Variants in BAIAP2L1 observed in about 807,000 individuals in gnomAD.
The protein encoded by BAIAP2L1 is BAR/IMD domain containing adaptor protein 2 like 1.
A neutral mutation model predicts 66.3 loss-of-function variants in BAIAP2L1; 35 were observed. That is an observed-to-expected ratio of 0.53 (90% CI 0.40 to 0.70). BAIAP2L1 has a LOEUF of 0.70. BAIAP2L1 is among the 30% of genes least tolerant of loss of function. BAIAP2L1 has a pLI of 0.00. For missense variants in BAIAP2L1, 622 were observed against 656.9 expected, an observed-to-expected ratio of 0.95 and a Z score of 0.58; for synonymous variants, 269 against 248.7, an observed-to-expected ratio of 1.08 and a Z score of -0.77.
intron 9 of BAIAP2L1, 101 bp downstream of exon 9, chr7:98,310,344 C>A: frequency 1.5e-6 from 2 of 1,358,526 alleles, no homozygotes; most frequent in Non-Finnish European, 2.0e-6. Flanking sequence ...GCTTGTTTAC[C>A]TCCAAACCTT....
intron 3 of BAIAP2L1, among the ~76,000 whole-genome samples, chr7:98,342,870 A>C (rs1373391140): frequency 1.3e-5 from 2 of 152,180 alleles, no homozygotes; most frequent in African/African-American, 4.8e-5. Context: ...ATTTAGGAAC[A>C]AAACTGGAAG....
At chr7:98,323,854 G>A (rs1022883802) in intron 3 of BAIAP2L1, among the ~76,000 whole-genome samples, 3 of 152,232 alleles carry the variant, frequency 2.0e-5, no homozygotes, top group Non-Finnish European at 4.4e-5. Context: ...GCAAGTAGCC[G>A]AAAGAGTATC....
chr7:98,353,413 T>TTATAAATATATTTATATTATA (rs1802044437), intron 3 of BAIAP2L1, among the ~76,000 whole-genome samples: 1 of 135,884 alleles, frequency 7.4e-6, no homozygotes, highest in African/African-American at 2.8e-5. Context: ...AATATATATA[T>TTATAAATATATTTATATTATA]TATAAATATA....
At chr7:98,314,657 G>C (rs1002189498) in intron 7 of BAIAP2L1, among the ~76,000 whole-genome samples, 2 of 152,138 alleles carry the variant, frequency 1.3e-5, no homozygotes, top group Non-Finnish European at 2.9e-5. Context: ...AGGAATGAAC[G>C]CATCACTGAG....
At chr7:98,308,027 T>C in intron 9 of BAIAP2L1, 131 bp from the exon 10 acceptor site, 1 of 880,826 alleles carries the variant, frequency 1.1e-6, no homozygotes, top group South Asian at 1.4e-5. Flanking sequence ...AAACTGACCC[T>C]GTCCTATTTC....
intron 2 of BAIAP2L1, among the ~76,000 whole-genome samples, chr7:98,355,663 A>C (rs1356073669): frequency 3.3e-5 from 5 of 151,936 alleles, no homozygotes; most frequent in African/African-American, 9.7e-5. Flanking sequence ...CAGGAGGCGG[A>C]GGTTGCAAGT....
rs759891159 is a variant in BAIAP2L1 at position 98,304,420 on chromosome 7, C to T, written c.1242-44G>A. On this transcript the variant is annotated intron_variant, in intron 11 of 13. Coordinates refer to ENST00000005260, the MANE Select transcript of BAIAP2L1 (RefSeq NM_018842.5). ...ACAGCACGTGTTAGATAATGTCTCA[C>T]CACCAAACCCCAAACATCCTCTGTG... 8.2e-6 allele frequency: 13 copies of T among 1,593,868 alleles called. No homozygotes were observed. In the South Asian group the frequency reaches 1.3e-4, roughly 17 times the overall value.
At chr7:98,390,737 A>G (rs1360748274) in intron 1 of BAIAP2L1, among the ~76,000 whole-genome samples, 1 of 151,804 alleles carries the variant, frequency 6.6e-6, no homozygotes, top group Non-Finnish European at 1.5e-5. Context: ...GTCTCAAAAA[A>G]AAACAAAAAA....
intron 3 of BAIAP2L1, among the ~76,000 whole-genome samples, chr7:98,341,531 T>G (rs1005842956): frequency 6.6e-6 from 1 of 152,088 alleles, no homozygotes; most frequent in Non-Finnish European, 1.5e-5. Context: ...AAAAAATTTT[T>G]TATTTTTTAA....
intron 1 of BAIAP2L1, among the ~76,000 whole-genome samples, chr7:98,367,792 T>C (rs1229465481): frequency 1.3e-5 from 2 of 151,752 alleles, no homozygotes; most frequent in Non-Finnish European, 2.9e-5. Context: ...CCAGCCCAAT[T>C]TTTGCATTTT....
chr7:98,304,513 G>C (rs1287214737), intron 11 of BAIAP2L1, 137 bp from the exon 12 acceptor site: 7 of 861,912 alleles, frequency 8.1e-6, no homozygotes, highest in South Asian at 1.6e-5. Context: ...CACACACACA[G>C]ACACACACAG....
chr7:98,397,474 G>A (rs570774845), intron 1 of BAIAP2L1, among the ~76,000 whole-genome samples: 15 of 151,836 alleles, frequency 9.9e-5, no homozygotes, highest in Middle Eastern at 6.8e-3. Flanking sequence ...ACAGGCACGC[G>A]CCACCACACC....
At chr7:98,339,073 TAAAA>T (rs34884828) in intron 3 of BAIAP2L1, among the ~76,000 whole-genome samples, 1 of 126,696 alleles carries the variant, frequency 7.9e-6, no homozygotes, top group African/African-American at 2.9e-5. Flanking sequence ...ACTCTGTCTT[TAAAA>T]AAAAAAAAAA....
chr7:98,375,160 T>A (rs1584495175), intron 1 of BAIAP2L1, among the ~76,000 whole-genome samples: 1 of 148,890 alleles, frequency 6.7e-6, no homozygotes. Context: ...TTTGGGAGGC[T>A]GAGGCAGGTG....
chr7:98,298,973 A>G (rs764535833), intron 12 of BAIAP2L1, among the ~76,000 whole-genome samples: 45 of 151,886 alleles, frequency 3.0e-4, no homozygotes, highest in Non-Finnish European at 4.1e-4. Context: ...TCCTGAGTAG[A>G]CTACAGGTAT....
rs1800031723 is a variant in BAIAP2L1 at position 98,292,947 on chromosome 7, G to A, written c.*574C>T. On this transcript the variant is annotated 3_prime_UTR_variant, in exon 14 of 14. Coordinates refer to ENST00000005260, the MANE Select transcript of BAIAP2L1 (RefSeq NM_018842.5). ...AGCGTCTTAGCACTCTACAGCTCTG[G>A]CGTGGTTGGAGGGAGGGTGGGGGTT... 1.6e-6 allele frequency: 2 copies of A among 1,251,552 alleles called. No individual in the cohort carries two copies. Among genetic ancestry groups the A allele is most frequent in the Non-Finnish European group, 2.0e-6 (2 of 996,960 alleles). The allele number at this position is 1,251,552 out of a possible 1,614,324, so 77.5% of individuals were successfully genotyped here. A position where few individuals can be genotyped will look rare whatever the true frequency, so the allele number is the denominator to read the frequency against.
chr7:98,399,544 AACCAACCG>A (rs1432582446), intron 1 of BAIAP2L1, among the ~76,000 whole-genome samples: 5 of 152,216 alleles, frequency 3.3e-5, no homozygotes, highest in Non-Finnish European at 5.9e-5. Flanking sequence ...CACACCAACC[AACCAACCG>A]ACCAACCATT....
intron 1 of BAIAP2L1, among the ~76,000 whole-genome samples, chr7:98,364,495 C>T (rs563842398): frequency 9.2e-5 from 14 of 152,272 alleles, no homozygotes; most frequent in African/African-American, 2.6e-4. Flanking sequence ...CCTGTGGCAG[C>T]GCTCTTGTCA....
At chr7:98,321,516 G>A (rs891071008) in intron 3 of BAIAP2L1, among the ~76,000 whole-genome samples, 20 of 152,126 alleles carry the variant, frequency 1.3e-4, no homozygotes, top group South Asian at 2.1e-4. Context: ...AAGCCTCACC[G>A]CCGAGGGCAG....
Sources: allele counts gnomAD v4.1 joint callset (sites outside exome capture counted in the v4.1 genomes callset), GRCh38; gene constraint gnomAD v4.1.1; transcripts MANE v1.5; gene names NCBI Gene and HGNC (gene_info 2026-07-23, HGNC 2026-07-21).